TNR: variants seen among roughly 807,000 people sequenced by gnomAD.
TNR encodes tenascin-R.
In TNR, 45 loss-of-function variants were observed where a neutral mutation model predicts 150.4. The ratio of observed to expected loss-of-function variants is 0.30; its 90% CI spans 0.24 to 0.38. TNR has a LOEUF of 0.38. TNR is among the 10% of genes least tolerant of loss of function. The probability of loss-of-function intolerance (pLI) is 1.00; values close to 1 mark genes in which losing one functional copy is unlikely to be tolerated. For synonymous variants in TNR, 687 were observed against 678.4 expected, an observed-to-expected ratio of 1.01 and a Z score of -0.20; for missense variants, 1,544 against 1,759.1, an observed-to-expected ratio of 0.88 and a Z score of 2.19.
At chr1:175,421,838 T>G (rs1302329531) in intron 2 of TNR, among the ~76,000 whole-genome samples, 1 of 152,200 alleles carries the variant, frequency 6.6e-6, no homozygotes, top group African/African-American at 2.4e-5. Flanking sequence ...GCCCCAGAGC[T>G]TGTGCATTCT....
intron 1 of TNR, among the ~76,000 whole-genome samples, chr1:175,682,032 G>A (rs1021134929): frequency 1.3e-5 from 2 of 152,096 alleles, no homozygotes; most frequent in Non-Finnish European, 2.9e-5. Flanking sequence ...ATGGCACTTT[G>A]TCATCAGAGA....
chr1:175,579,646 TGAG>T (rs1558018081), intron 1 of TNR, among the ~76,000 whole-genome samples: 1 of 151,014 alleles, frequency 6.6e-6, no homozygotes, highest in Non-Finnish European at 1.5e-5. Flanking sequence ...ACTGAGGTTT[TGAG>T]GAGTACAGAC....
intron 1 of TNR, among the ~76,000 whole-genome samples, chr1:175,535,525 A>G (rs1180040904): frequency 4.6e-5 from 7 of 151,578 alleles, no homozygotes; most frequent in Non-Finnish European, 1.0e-4. Context: ...CAGTGGCGCG[A>G]TCTCGGCTCA....
chr1:175,593,482 C>T (rs1037118937), intron 1 of TNR, among the ~76,000 whole-genome samples: 1 of 152,060 alleles, frequency 6.6e-6, no homozygotes, highest in African/African-American at 2.4e-5. Context: ...TAATATCTAC[C>T]AAGTGGCTTT....
chr1:175,603,264 T>C (rs573266022), intron 1 of TNR, among the ~76,000 whole-genome samples: 136 of 152,360 alleles, frequency 8.9e-4, no homozygotes, highest in African/African-American at 3.1e-3. Flanking sequence ...TTGAGATAAC[T>C]GGGCTCCTGC....
chr1:175,318,664 T>C lies in TNR; in HGVS notation c.*4693A>G, dbSNP rs143220466. On this transcript the variant is annotated 3_prime_UTR_variant, in exon 23 of 23. Transcript: ENST00000367674. ...GCATTCAGCTAAACATCTTCAGGAA[T>C]GTGGTCAAAGAGAGGCTACAGGAAC... 1.3e-5 allele frequency: 2 copies of C among 152,358 alleles called. No individual in the cohort carries two copies. The highest frequency in any genetic ancestry group is 4.8e-5 in the African/African-American group (2 of 41,576). 9.4% of individuals were successfully genotyped at this position (152,358 alleles called of 1,614,324 possible). A position where few individuals can be genotyped will look rare whatever the true frequency, so the allele number is the denominator to read the frequency against.
intron 1 of TNR, among the ~76,000 whole-genome samples, chr1:175,687,136 A>T (rs1004886533): frequency 3.9e-5 from 6 of 152,140 alleles, no homozygotes; most frequent in African/African-American, 1.4e-4. Flanking sequence ...GCTTAGTCAG[A>T]GTCCTCCTGG....
chr1:175,633,924 T>A (rs1482681389), intron 1 of TNR, among the ~76,000 whole-genome samples: 2 of 152,094 alleles, frequency 1.3e-5, no homozygotes, highest in African/African-American at 4.8e-5. Flanking sequence ...AAACCCAAGT[T>A]CAGCCCAGCA....
At chr1:175,520,761 G>T (rs371212862) in intron 2 of TNR, among the ~76,000 whole-genome samples, 9 of 151,170 alleles carry the variant, frequency 6.0e-5, no homozygotes. Context: ...AGCCATCCAC[G>T]TTCACCACTT....
chr1:175,673,489 T>C (rs2101904667), intron 1 of TNR, among the ~76,000 whole-genome samples: 1 of 152,302 alleles, frequency 6.6e-6, no homozygotes, highest in South Asian at 2.1e-4. Flanking sequence ...TATGTGGAAG[T>C]AAAGGGGCAA....
chr1:175,393,945 G>C (rs1445947345), intron 5 of TNR, 50 bp from the exon 6 acceptor site: 1 of 1,404,662 alleles, frequency 7.1e-7, no homozygotes, highest in Non-Finnish European at 1.0e-6. Flanking sequence ...CCTTGGGACA[G>C]ACAGCATTGC....
intron 2 of TNR, among the ~76,000 whole-genome samples, chr1:175,457,483 G>A (rs114215664): frequency 5.3e-5 from 8 of 152,332 alleles, no homozygotes; most frequent in African/African-American, 1.7e-4. Context: ...TGGTCATGTG[G>A]CATCCTTACT....
In TNR at chr1:175,492,913, C is replaced by T. The variant is rs1658321848; in HGVS notation, c.-64+35356G>A. On this transcript the variant is annotated intron_variant, in intron 2 of 22. Transcript: ENST00000367674. Reference sequence around the variant, plus strand: ...TGGGCCTCCAGAGGCACATTTAATCCTGATAGACTTCTTGTTAATTCTAGG... The same window carrying T: ...TGGGCCTCCAGAGGCACATTTAATCTTGATAGACTTCTTGTTAATTCTAGG... 2.6e-5 allele frequency among the ~76,000 whole-genome samples: 4 copies of T among 152,042 alleles called. No individual in the cohort carries two copies. The South Asian group carries it at 8.3e-4, about 31-fold the overall frequency.
At position 175,346,098 on chromosome 1, in the gene TNR, GA is replaced by G. The variant is rs541859252; in HGVS notation, c.3382+8292del. On this transcript the variant is annotated intron_variant, in intron 18 of 22. Coordinates refer to ENST00000367674, the MANE Select transcript of TNR (RefSeq NM_003285.3). ...TGATTAAATTACAATTTCAATGTATGAAAAAAACCACAAAAGTTCCTTGGGC... is the reference window on the plus strand; with the variant it reads ...TGATTAAATTACAATTTCAATGTATGAAAAAACCACAAAAGTTCCTTGGGC... Among the ~76,000 whole-genome samples, 463 of 152,172 alleles carry G rather than the reference GA, an allele frequency of 3.0e-3. 2 individuals carry two copies. The highest frequency in any genetic ancestry group is 6.7e-3 in the Admixed American group (103 of 15,298).
intron 1 of TNR, among the ~76,000 whole-genome samples, chr1:175,591,497 C>T (rs967845007): frequency 1.3e-5 from 2 of 152,184 alleles, no homozygotes; most frequent in Non-Finnish European, 2.9e-5. Context: ...CAACCACTGC[C>T]GGGAGCTATC....
Position 175,428,526 on chromosome 1 carries a change from G to A in TNR, c.-63-21749C>T, listed in dbSNP as rs148805540. Among the ~76,000 whole-genome samples, 345 of 152,244 alleles carry A rather than the reference G, an allele frequency of 2.3e-3. 2 individuals carry two copies. Among genetic ancestry groups the A allele is most frequent in the Middle Eastern group, 6.8e-3 (2 of 294 alleles). On this transcript the variant is annotated intron_variant, in intron 2 of 22. Transcript: ENST00000367674. Reference sequence around the variant, plus strand: ...AATTTTCTAAGCAACCCTGGAAGTCGAAGTTATTATTGTCATCTTCATATT... The same window carrying A: ...AATTTTCTAAGCAACCCTGGAAGTCAAAGTTATTATTGTCATCTTCATATT...
intron 1 of TNR, among the ~76,000 whole-genome samples, chr1:175,612,142 G>C (rs1035829745): frequency 7.2e-5 from 11 of 152,058 alleles, no homozygotes; most frequent in Admixed American, 3.3e-4. Context: ...TTGGGTTTTT[G>C]GGGGAGCACT....
At position 175,317,072 on chromosome 1, in the gene TNR, C is replaced by T. The variant is rs1648868060; in HGVS notation, c.*6285G>A. 4 of 152,208 alleles carry T rather than the reference C, an allele frequency of 2.6e-5. No homozygotes were observed. The South Asian group carries it at 8.3e-4, about 32-fold the overall frequency. The allele number at this position is 152,208 out of a possible 1,614,324, so 9.4% of individuals were successfully genotyped here. A position where few individuals can be genotyped will look rare whatever the true frequency, so the allele number is the denominator to read the frequency against. On this transcript the variant is annotated 3_prime_UTR_variant, in exon 23 of 23. Transcript: ENST00000367674. ...TGTGACTTTGAGCATGTTACTTAAC[C>T]TTCCTGGCCCTCCCTTCCCTCTTCT...
chr1:175,680,165 A>T (rs530342707), intron 1 of TNR, among the ~76,000 whole-genome samples: 1 of 152,322 alleles, frequency 6.6e-6, no homozygotes, highest in East Asian at 1.9e-4. Context: ...GTCCCAAGAG[A>T]TCGCGATGTC....
Sources: allele counts gnomAD v4.1 joint callset (sites outside exome capture counted in the v4.1 genomes callset), GRCh38; gene constraint gnomAD v4.1.1; transcripts MANE v1.5; gene names NCBI Gene and HGNC (gene_info 2026-07-23, HGNC 2026-07-21).